CEP63: variants seen among roughly 807,000 people sequenced by gnomAD.
The protein encoded by CEP63 is centrosomal protein 63, also known as centrosomal protein of 63 kDa.
Under a neutral mutation model 89.1 loss-of-function variants are expected in CEP63, and 84 were observed. That is an observed-to-expected ratio of 0.94 (90% CI 0.79 to 1.13). CEP63 has a LOEUF of 1.13. Among genes scored for constraint, CEP63 ranks in the 50% most tolerant of loss-of-function variants. The pLI is 0.00. For synonymous variants in CEP63, 267 were observed against 272.5 expected (o/e 0.98, Z 0.20); for missense variants, 838 against 813.3 (o/e 1.03, Z -0.37).
chr3:134,677,502 T>G, the CEP63 span, among the ~76,000 whole-genome samples: 1 of 152,106 alleles, frequency 6.6e-6, no homozygotes, highest in Non-Finnish European at 1.5e-5. Flanking sequence ...CCCACCTACC[T>G]CCATCTGGGG....
chr3:134,597,512 A>C, the CEP63 span, among the ~76,000 whole-genome samples: 1 of 152,168 alleles, frequency 6.6e-6, no homozygotes, highest in South Asian at 2.1e-4. Context: ...GAAGTTGCTG[A>C]TTCTCTGCAA....
At chr3:134,556,273 T>C (rs1956147778) in intron 12 of CEP63, among the ~76,000 whole-genome samples, 1 of 151,948 alleles carries the variant, frequency 6.6e-6, no homozygotes, top group Non-Finnish European at 1.5e-5. Context: ...AATTGACAAA[T>C]GGGATCTCAT....
At chr3:134,696,867 A>G in the CEP63 span, among the ~76,000 whole-genome samples, 1 of 152,256 alleles carries the variant, frequency 6.6e-6, no homozygotes, top group Non-Finnish European at 1.5e-5. Context: ...ATTGCATAAT[A>G]AATGCTAATA....
At chr3:134,576,614 A>G (rs563604814), downstream of CEP63, among the ~76,000 whole-genome samples, 3 of 152,352 alleles carry the variant, frequency 2.0e-5, no homozygotes, top group South Asian at 6.2e-4. Flanking sequence ...GTTTCTTCAT[A>G]TGCAGAATGT....
the CEP63 span, among the ~76,000 whole-genome samples, chr3:134,717,309 G>C: frequency 6.6e-6 from 1 of 152,326 alleles, no homozygotes; most frequent in South Asian, 2.1e-4. Context: ...GAGGTTGGCA[G>C]TGATTTCTGC....
chr3:134,494,828 G>T (rs1479241044), intron 1 of CEP63, among the ~76,000 whole-genome samples: 1 of 152,178 alleles, frequency 6.6e-6, no homozygotes, highest in Non-Finnish European at 1.5e-5. Flanking sequence ...TCAGGAGTGA[G>T]TAGGCTTTCC....
the CEP63 span, among the ~76,000 whole-genome samples, chr3:134,760,632 C>T: frequency 0.13 from 19,397 of 152,186 alleles, 1,361 homozygotes; most frequent in Middle Eastern, 0.18. Flanking sequence ...CTATCCCTTG[C>T]GTACTCAGTC....
chr3:134,760,163 A>G, the CEP63 span, among the ~76,000 whole-genome samples: 1 of 146,860 alleles, frequency 6.8e-6, no homozygotes, highest in African/African-American at 2.6e-5. Flanking sequence ...GGTTCACGCC[A>G]TTCTCCTGCC....
chr3:134,707,574 T>G, the CEP63 span, among the ~76,000 whole-genome samples: 17 of 152,128 alleles, frequency 1.1e-4, no homozygotes, highest in African/African-American at 4.1e-4. Context: ...TGTCTCCTCT[T>G]GCTCTTCCCC....
At chr3:134,534,432 C>G (rs1950409564) in intron 5 of CEP63, among the ~76,000 whole-genome samples, 1 of 152,154 alleles carries the variant, frequency 6.6e-6, no homozygotes, top group African/African-American at 2.4e-5. Context: ...CTAACTCTCT[C>G]TAGTCCTTTG....
chr3:134,761,465 G>A, the CEP63 span, among the ~76,000 whole-genome samples: 1 of 152,210 alleles, frequency 6.6e-6, no homozygotes, highest in African/African-American at 2.4e-5. Context: ...AGCATTCAGG[G>A]AGGATGCCTG....
intron 3 of CEP63, among the ~76,000 whole-genome samples, chr3:134,512,699 A>T (rs1945274026): frequency 6.6e-6 from 1 of 151,812 alleles, no homozygotes; most frequent in Non-Finnish European, 1.5e-5. Flanking sequence ...ATTTTCATTT[A>T]TAGTTTTAGC....
the CEP63 span, among the ~76,000 whole-genome samples, chr3:134,597,084 A>G: frequency 6.6e-6 from 1 of 152,242 alleles, no homozygotes; most frequent in East Asian, 1.9e-4. Flanking sequence ...ATGGGAGACA[A>G]AGTGGAGAAA....
the CEP63 span, among the ~76,000 whole-genome samples, chr3:134,666,317 G>C: frequency 6.6e-6 from 1 of 152,226 alleles, no homozygotes; most frequent in Non-Finnish European, 1.5e-5. Context: ...GCAAATGCAG[G>C]TGCCTGGGAC....
chr3:134,498,431 C>G (rs1171797988), intron 2 of CEP63, among the ~76,000 whole-genome samples: 1 of 151,888 alleles, frequency 6.6e-6, no homozygotes, highest in Admixed American at 6.6e-5. Context: ...TACTGAATTT[C>G]TTTATCAGTT....
intron 3 of CEP63, among the ~76,000 whole-genome samples, chr3:134,527,257 C>T (rs2108910739): frequency 6.6e-6 from 1 of 152,246 alleles, no homozygotes; most frequent in South Asian, 2.1e-4. Flanking sequence ...TGCACAGTGG[C>T]ACTGGTGGTG....
the CEP63 span, chr3:134,604,191 C>T: frequency 1.4e-5 from 23 of 1,611,482 alleles, no homozygotes; most frequent in African/African-American, 4.0e-5. Flanking sequence ...CCATCTGCTC[C>T]GAGAACCAGC....
At chr3:134,538,565 A>ATGTT (rs1559978963) in intron 6 of CEP63, among the ~76,000 whole-genome samples, 1 of 138,232 alleles carries the variant, frequency 7.2e-6, no homozygotes. Context: ...GTATATATAT[A>ATGTT]TTTTTTTAAC....
downstream of CEP63, among the ~76,000 whole-genome samples, chr3:134,576,398 C>T (rs1390212794): frequency 2.0e-5 from 3 of 152,232 alleles, no homozygotes; most frequent in African/African-American, 4.8e-5. Context: ...ACAGAAGACA[C>T]AGATGCCAGC....
Sources: gnomAD v4.1 joint callset for allele counts (sites outside exome capture counted in the v4.1 genomes callset) on GRCh38, gnomAD v4.1.1 for gene constraint, MANE v1.5 for transcripts, NCBI Gene and HGNC (gene_info 2026-07-23, HGNC 2026-07-21) for gene names.